GSE1: variants seen among roughly 807,000 people sequenced by gnomAD.
GSE1 encodes the protein Gse1 coiled-coil protein, also known as genetic suppressor element 1.
A neutral mutation model predicts 112.6 loss-of-function variants in GSE1; 32 were observed. The ratio of observed to expected loss-of-function variants is 0.28; its 90% CI spans 0.21 to 0.38. The LOEUF (loss-of-function observed/expected upper bound fraction) is 0.38. Ranked by LOEUF, GSE1 falls within the 10% of genes least tolerant of loss-of-function variation. The pLI, the probability that GSE1 is intolerant of heterozygous loss-of-function variation, is 1.00. For synonymous variants in GSE1, 1,115 were observed against 735.6 expected, an observed-to-expected ratio of 1.52 and a Z score of -8.35; for missense variants, 2,348 against 1,699.2, an observed-to-expected ratio of 1.38 and a Z score of -6.71.
exon 1 of GSE1, chr16:85,170,868 T>C (rs921870383): frequency 1.2e-5 from 12 of 985,492 alleles, no homozygotes; most frequent in Non-Finnish European, 1.4e-5. Flanking sequence ...AGCGACTCTA[T>C]GTGGTGCCCC....
chr16:85,235,710 C>A (rs1293548896), intron 1 of GSE1, among the ~76,000 whole-genome samples: 1 of 151,754 alleles, frequency 6.6e-6, no homozygotes, highest in Admixed American at 6.6e-5. Flanking sequence ...GGCGTTCTGG[C>A]CCCTTCCCCT....
intron 1 of GSE1, among the ~76,000 whole-genome samples, chr16:85,289,003 C>T (rs866685644): frequency 5.3e-5 from 8 of 152,174 alleles, no homozygotes; most frequent in South Asian, 2.1e-4. Flanking sequence ...TCCTGAGCCT[C>T]GGCCACCTTC....
In GSE1 at chr16:85,234,930, G is replaced by C. The variant is rs186118782; in HGVS notation, c.2283+63123G>C. On this transcript the variant is annotated intron_variant, in intron 1 of 2. Coordinates refer to the GSE1 transcript ENST00000637419. ...CGGCGCCTTTATCTACTGCGGAGGG[G>C]CGGGGGTTGCCCTGGGCCCCGCCGG... is the stretch of plus-strand genomic sequence containing the variant. Among the ~76,000 whole-genome samples the C allele has an allele frequency of 7.1e-4, 108 of 152,280 alleles. 1 individual carries two copies. In the East Asian group the frequency reaches 7.6e-3, roughly 11 times the overall value.
chr16:85,617,375 A>AG (rs1170086223), intron 1 of GSE1, among the ~76,000 whole-genome samples: 1 of 152,186 alleles, frequency 6.6e-6, no homozygotes, highest in East Asian at 1.9e-4. Context: ...TGTGGAAAGA[A>AG]GGGGTTGGGC....
At chr16:85,478,904 TTTCTTTC>T (rs1244878571) in intron 2 of GSE1, among the ~76,000 whole-genome samples, 5 of 68,302 alleles carry the variant, frequency 7.3e-5, no homozygotes, top group African/African-American at 3.5e-4. Flanking sequence ...TCTTTCTTTC[TTTCTTTC>T]TTTCTTTCTT....
At chr16:85,344,763 C>T (rs1299073397) in intron 1 of GSE1, among the ~76,000 whole-genome samples, 1 of 152,216 alleles carries the variant, frequency 6.6e-6, no homozygotes, top group Admixed American at 6.5e-5. Context: ...GCAGGCAAGG[C>T]TGAGTCTATG....
chr16:85,236,793 A>C (rs1036128540), intron 1 of GSE1, among the ~76,000 whole-genome samples: 13 of 152,048 alleles, frequency 8.5e-5, no homozygotes, highest in Non-Finnish European at 1.8e-4. Flanking sequence ...TGCTGCCTGT[A>C]ATACCTCTAA....
chr16:85,445,370 G>C (rs1482191569), intron 2 of GSE1, among the ~76,000 whole-genome samples: 1 of 152,224 alleles, frequency 6.6e-6, no homozygotes, highest in African/African-American at 2.4e-5. Context: ...GAACATGGGG[G>C]GCGGGAGAGG....
At chr16:85,258,506 C>A (rs750980808) in intron 1 of GSE1, among the ~76,000 whole-genome samples, 82 of 152,372 alleles carry the variant, frequency 5.4e-4, no homozygotes, top group Non-Finnish European at 4.0e-4. Context: ...CCTCTTGCAT[C>A]CTGCGGCCCC....
chr16:85,489,392 A>C (rs2050939992), intron 2 of GSE1, among the ~76,000 whole-genome samples: 1 of 151,932 alleles, frequency 6.6e-6, no homozygotes, highest in Admixed American at 6.6e-5. Flanking sequence ...CTGCCTAGAA[A>C]CCAGGTGGTA....
At chr16:85,225,641 A>G (rs2075472477) in intron 1 of GSE1, among the ~76,000 whole-genome samples, 1 of 152,308 alleles carries the variant, frequency 6.6e-6, no homozygotes, top group African/African-American at 2.4e-5. Context: ...GGATACATTC[A>G]TTCCCCTTTC....
chr16:85,641,401 T>C (rs1049441226), intron 2 of GSE1, among the ~76,000 whole-genome samples: 4 of 151,698 alleles, frequency 2.6e-5, no homozygotes, highest in Non-Finnish European at 5.9e-5. Context: ...AGGGTGGGCA[T>C]GGGAGCCCGC....
intron 1 of GSE1, among the ~76,000 whole-genome samples, chr16:85,327,808 G>A (rs760634876): frequency 3.4e-4 from 51 of 152,194 alleles, no homozygotes; most frequent in Non-Finnish European, 6.2e-4. Context: ...CAGCAAAACT[G>A]AGGTCCCGGG....
rs16944663 is a variant in GSE1 at position 85,446,818 on chromosome 16, G to A, written c.2464+89175G>A. Among the ~76,000 whole-genome samples the A allele has an allele frequency of 6.4e-3, 969 of 152,228 alleles. 12 individuals are homozygous for A. The highest frequency in any genetic ancestry group is 0.022 in the African/African-American group (927 of 41,554). ...GGTTGGCTCATCTGTCTTAGGCTCC[G>A]TTTCCTCACTGGAGCTTCCCGAGGT... On this transcript the variant is annotated intron_variant, in intron 2 of 2. Transcript: ENST00000637419.
intron 1 of GSE1, among the ~76,000 whole-genome samples, chr16:85,618,520 G>C (rs980677543): frequency 2.0e-4 from 30 of 152,158 alleles, no homozygotes; most frequent in African/African-American, 7.0e-4. Context: ...TTGTGTTCTG[G>C]GCCTCAGTCT....
chr16:85,526,029 C>T (rs1051674929), intron 2 of GSE1, among the ~76,000 whole-genome samples: 3 of 152,200 alleles, frequency 2.0e-5, no homozygotes, highest in South Asian at 2.1e-4. Context: ...GTCCTGGGAC[C>T]GTGCAACTTT....
At position 85,184,951 on chromosome 16, in the gene GSE1, A is replaced by G. The variant is rs1303247579; in HGVS notation, c.2283+13144A>G. ...TAACTTGAAGAGATTGGTGCTTGGTAGCAGTGTTCAAATTGTCTAGGTCAT... is the reference window on the plus strand; with the variant it reads ...TAACTTGAAGAGATTGGTGCTTGGTGGCAGTGTTCAAATTGTCTAGGTCAT... On this transcript the variant is annotated intron_variant, in intron 1 of 2. Transcript: ENST00000637419. Among the ~76,000 whole-genome samples, 3 of 152,214 alleles carry G rather than the reference A, an allele frequency of 2.0e-5. No individual in the cohort carries two copies. In the East Asian group the frequency reaches 5.8e-4, roughly 29 times the overall value.
At chr16:85,332,007 G>C (rs2046385641) in intron 1 of GSE1, among the ~76,000 whole-genome samples, 1 of 152,086 alleles carries the variant, frequency 6.6e-6, no homozygotes, top group Non-Finnish European at 1.5e-5. Flanking sequence ...CATCCAGAGG[G>C]TGCTTCCTGC....
chr16:85,413,450 C>T lies in GSE1; in HGVS notation c.2464+55807C>T, dbSNP rs79462642. The stretch of plus-strand genomic sequence containing the variant: ...ATGGCGGCCTGCTCTCCCGGGTGAC[C>T]GTGGAGCACCATCTTCCATCACTAA... On this transcript the variant is annotated intron_variant, in intron 2 of 2. Coordinates refer to the GSE1 transcript ENST00000637419. Among the ~76,000 whole-genome samples the T allele has an allele frequency of 1.0e-3, 152 of 151,938 alleles. 3 individuals carry two copies. In the East Asian group the frequency reaches 0.026, roughly 26 times the overall value.
Sources: allele counts gnomAD v4.1 joint callset (sites outside exome capture counted in the v4.1 genomes callset), GRCh38; gene constraint gnomAD v4.1.1; transcripts MANE v1.5; gene names NCBI Gene and HGNC (gene_info 2026-07-23, HGNC 2026-07-21).